Variants in ZSCAN10 observed in about 807,000 individuals in gnomAD.
ZSCAN10 encodes zinc finger and SCAN domain-containing protein 10.
A neutral mutation model predicts 63.7 loss-of-function variants in ZSCAN10; 52 were observed. The ratio of observed to expected loss-of-function variants is 0.82; its 90% CI spans 0.65 to 1.03. The LOEUF (loss-of-function observed/expected upper bound fraction) is 1.03. Among genes scored for constraint, ZSCAN10 ranks in the 50% least tolerant of loss-of-function variants. The probability of loss-of-function intolerance (pLI) is 0.00; values close to 1 mark genes in which losing one functional copy is unlikely to be tolerated. For missense variants in ZSCAN10, 1,223 were observed against 1,103.8 expected, an observed-to-expected ratio of 1.11 and a Z score of -1.53; for synonymous variants, 544 against 479.6, an observed-to-expected ratio of 1.13 and a Z score of -1.76.
chr16:3,093,054 C>G, intron 1 of ZSCAN10, 50 bp from the exon 2 acceptor site: 1 of 1,292,252 alleles, frequency 7.7e-7, no homozygotes. Flanking sequence ...GAAGCTGGCC[C>G]CATACCTGGG....
intron 1 of ZSCAN10, among the ~76,000 whole-genome samples, chr16:3,098,733 G>A (rs1230498347): frequency 6.6e-6 from 1 of 152,216 alleles, no homozygotes; most frequent in Non-Finnish European, 1.5e-5. Flanking sequence ...AGCTTAATTT[G>A]GAGCCCGGGG....
chr16:3,090,671 C>T (rs1228251976), intron 5 of ZSCAN10, 25 bp from the exon 6 acceptor site: 2 of 1,508,916 alleles, frequency 1.3e-6, no homozygotes, highest in Non-Finnish European at 1.8e-6. Context: ...AAAACAGGGA[C>T]GGTCAGGCCT....
In ZSCAN10 at chr16:3,089,445, G is replaced by T. The variant is rs1261175104; in HGVS notation, c.1989C>A (p.Ala663=). ...QRIHTGEKPH[A]CDTCGHRFRN... ...GGAAACGGTGGCCGCAGGTGTCGCA[G>T]GCGTGGGGCTTCTCCCCTGTGTGGA... is the stretch of plus-strand genomic sequence containing the variant. The change falls in exon 6 of 6, where the codon GCC becomes GCA. Residue 663 remains alanine (A), a synonymous_variant. Transcript: ENST00000576985. The T allele has an allele frequency of 1.1e-5, 17 of 1,606,084 alleles. No homozygotes were observed. The highest frequency in any genetic ancestry group is 1.4e-5 in the Non-Finnish European group (17 of 1,178,670).
chr16:3,090,590 C>T lies in ZSCAN10; in HGVS notation c.844G>A (p.Ala282Thr), dbSNP rs770968520. 1 of 1,562,752 alleles carries T rather than the reference C, an allele frequency of 6.4e-7. No homozygotes were observed. Among genetic ancestry groups the T allele is most frequent in the Admixed American group, 2.0e-5 (1 of 50,012 alleles). Residue 282 changes from alanine (A) to threonine (T), a missense_variant, in exon 6 of 6, where the codon GCT (alanine) becomes ACT (threonine). Coordinates refer to ENST00000576985, the MANE Select transcript of ZSCAN10 (RefSeq NM_032805.3). ...EEFKQEEPKGAAWPTPILAES... is the reference protein window; with the variant it reads ...EEFKQEEPKGTAWPTPILAES... ...GCTAAGATGGGAGTGGGCCAGGCAGCCCCTTTGGGCTCTTCTTGTTTAAAT... is the reference window on the plus strand; with the variant it reads ...GCTAAGATGGGAGTGGGCCAGGCAGTCCCTTTGGGCTCTTCTTGTTTAAAT...
rs867589050 is a variant in ZSCAN10, at chr16:3,089,746, G to C, written c.1688C>G (p.Ser563Trp). 1 of 1,601,278 alleles carries C rather than the reference G, an allele frequency of 6.2e-7. No individual in the cohort carries two copies. The highest frequency in any genetic ancestry group is 2.2e-5 in the East Asian group (1 of 44,784). ...QACGRSFTQS[S>W]QLVSHQRVHT... is the part of the protein sequence containing the mutation. ...CACCCGTTGGTGGCTGACCAGCTGC[G>C]AGCTCTGCGTGAAGCTGCGGCCGCA... is the stretch of plus-strand genomic sequence containing the variant. The change falls in exon 6 of 6, where the codon TCG (serine) becomes TGG (tryptophan). Residue 563 changes from serine (S) to tryptophan (W), a missense_variant. By Grantham distance (177) the Ser-to-Trp change is radical. Transcript: ENST00000576985.
At position 3,090,328 on chromosome 16, in the gene ZSCAN10, G is replaced by A; in HGVS notation, c.1106C>T (p.Ser369Leu). 1.2e-6 allele frequency: 2 copies of A among 1,609,930 alleles called. No individual in the cohort carries two copies. Among genetic ancestry groups the A allele is most frequent in the Non-Finnish European group, 1.7e-6 (2 of 1,178,460 alleles). Reference sequence around the variant, plus strand: ...CAGGAAGGAGCGCCCAGCCGGGTGCGAGCGCAGCTGGTGCGCCTTCAGGCG... The same window carrying A: ...CAGGAAGGAGCGCCCAGCCGGGTGCAAGCGCAGCTGGTGCGCCTTCAGGCG... ...LSRLKAHQLR[S>L]HPAGRSFLCL... is the part of the protein sequence containing the mutation. Residue 369 changes from serine to leucine, a missense_variant, in exon 6 of 6, where the codon TCG becomes TTG. By Grantham distance (145) the Ser-to-Leu change is moderately radical. Transcript: ENST00000576985.
intron 1 of ZSCAN10, among the ~76,000 whole-genome samples, chr16:3,098,656 C>T (rs1199979709): frequency 6.6e-6 from 1 of 152,014 alleles, no homozygotes; most frequent in Non-Finnish European, 1.5e-5. Flanking sequence ...TAATATGCAC[C>T]TCTGTTGGGG....
Position 3,089,447 on chromosome 16 carries a change from C to T in ZSCAN10, c.1987G>A (p.Ala663Thr), listed in dbSNP as rs149846830. ...QRIHTGEKPHACDTCGHRFRN... is the reference protein window; with the variant it reads ...QRIHTGEKPHTCDTCGHRFRN... ...AAACGGTGGCCGCAGGTGTCGCAGG[C>T]GTGGGGCTTCTCCCCTGTGTGGATG... Residue 663 changes from alanine (A) to threonine (T), a missense_variant, in exon 6 of 6, where the codon GCC (alanine) becomes ACC (threonine). Ala to Thr is a moderately conservative substitution (Grantham distance 58). Transcript: ENST00000576985. 6 of 1,605,394 alleles carry T rather than the reference C, an allele frequency of 3.7e-6. No homozygotes were observed. Among genetic ancestry groups the T allele is most frequent in the East Asian group, 4.5e-5 (2 of 44,638 alleles).
intron 1 of ZSCAN10, chr16:3,096,310 C>A (rs893965341): frequency 6.6e-6 from 1 of 152,260 alleles, no homozygotes; most frequent in African/African-American, 2.4e-5. Flanking sequence ...CAGGCTCCTG[C>A]CCTCTGCTTT....
chr16:3,089,537 G>T lies in ZSCAN10; in HGVS notation c.1897C>A (p.Pro633Thr). The T allele has an allele frequency of 1.9e-6, 3 of 1,602,482 alleles. No homozygotes were observed. The highest frequency in any genetic ancestry group is 2.2e-5 in the East Asian group (1 of 44,568). The change falls in exon 6 of 6, where the codon CCC becomes ACC. Residue 633 changes from proline (P) to threonine (T), a missense_variant. By Grantham distance (38) the Pro-to-Thr change is conservative. Transcript: ENST00000576985. ...RHQRSHTGEK[P>T]CRCSECGEGF... ...TCACCGCACTCGCTGCAGCGGCAGG[G>T]CTTCTCGCCCGTGTGGCTGCGCTGG...
chr16:3,091,002 G>A (rs1363654239), intron 5 of ZSCAN10, among the ~76,000 whole-genome samples: 1 of 150,856 alleles, frequency 6.6e-6, no homozygotes, highest in South Asian at 2.1e-4. Context: ...CCCGGGAGGC[G>A]GAGGTTGCAG....
rs758225857 is a variant in ZSCAN10 at position 3,089,267 on chromosome 16, G to C, written c.2167C>G (p.Pro723Ala). The change falls in exon 6 of 6, where the codon CCG becomes GCG. Residue 723 changes from proline to alanine, a missense_variant. Pro to Ala is a conservative substitution (Grantham distance 27). Coordinates refer to ENST00000576985, the MANE Select transcript of ZSCAN10 (RefSeq NM_032805.3). ...AEPGQEQAEP[P>A]QECVECGKSF... is the part of the protein sequence containing the mutation. ...TTCCCGCACTCCACGCACTCCTGCG[G>C]GGGCTCGGCCTGCTCCTGCCCGGGC... 6.4e-7 allele frequency: 1 copy of C among 1,571,484 alleles called. No individual in the cohort carries two copies. The highest frequency in any genetic ancestry group is 1.8e-5 in the Admixed American group (1 of 55,808).
intron 2 of ZSCAN10, 92 bp from the exon 3 acceptor site, chr16:3,092,408 C>T (rs1216572899): frequency 1.8e-5 from 28 of 1,517,436 alleles, no homozygotes; most frequent in Non-Finnish European, 2.3e-5. Flanking sequence ...AGGTTAGAGT[C>T]AGCCAGGGGA....
At position 3,089,288 on chromosome 16, in the gene ZSCAN10, C is replaced by G. The variant is rs571695694; in HGVS notation, c.2146G>C (p.Gly716Arg). Residue 716 changes from glycine to arginine, a missense_variant, in exon 6 of 6, where the codon GGG becomes CGG. By Grantham distance (125) the Gly-to-Arg change is moderately radical (BLOSUM62 -2). Transcript: ENST00000576985. The stretch of plus-strand genomic sequence containing the variant: ...TGCGGGGGCTCGGCCTGCTCCTGCC[C>G]GGGCTCCGCATGGGTAGCCAGGTGC... ...RRHLATHAEP[G>R]QEQAEPPQEC... The G allele has an allele frequency of 1.6e-5, 25 of 1,563,486 alleles. No individual in the cohort carries two copies. The Admixed American group carries it at 1.8e-4, about 11-fold the overall frequency.
rs538023779 is a variant in ZSCAN10, at chr16:3,089,426, G to A, written c.2008C>T (p.Arg670Cys). The A allele has an allele frequency of 4.4e-6, 7 of 1,601,806 alleles. No individual in the cohort carries two copies. In the East Asian group the frequency reaches 1.1e-4, roughly 26 times the overall value. The change falls in exon 6 of 6, where the codon CGT becomes TGT. Residue 670 changes from arginine (R) to cysteine (C), a missense_variant. By Grantham distance (180) the Arg-to-Cys change is radical. Transcript: ENST00000576985. ...GCCAGGTTGGAGCTATTGCGGAAAC[G>A]GTGGCCGCAGGTGTCGCAGGCGTGG... ...KPHACDTCGH[R>C]FRNSSNLARH...
In ZSCAN10 at chr16:3,089,580, G is replaced by C; in HGVS notation, c.1854C>G (p.Thr618=). 1 of 1,588,866 alleles carries C rather than the reference G, an allele frequency of 6.3e-7. No individual in the cohort carries two copies. ...TGCGCTGGTGGCGGGCCAGATCCTG[G>C]GTCTGGCCGAAACTCTTCCCGCACT... ...CTQCGKSFGQ[T]QDLARHQRSH... is the part of the protein sequence containing the mutation. Residue 618 remains threonine (T), a synonymous_variant, in exon 6 of 6, where the codon ACC becomes ACG. Transcript: ENST00000576985.
rs1187159244 is a variant in ZSCAN10 at position 3,091,829 on chromosome 16, C to T, written c.665-1G>A. 2 of 1,572,558 alleles carry T rather than the reference C, an allele frequency of 1.3e-6. No individual in the cohort carries two copies. Among genetic ancestry groups the T allele is most frequent in the Non-Finnish European group, 8.6e-7 (1 of 1,158,888 alleles). On this transcript the variant is annotated splice_acceptor_variant, in intron 3 of 5. Coordinates refer to ENST00000576985, the MANE Select transcript of ZSCAN10 (RefSeq NM_032805.3). LOFTEE classifies it high-confidence loss of function. ...GGCCATGGTGAGGGGCCCTGGGGAC[C>T]TGACGGCATTGGGGAAGAGGGGAGG...
rs746380305 is a variant in ZSCAN10 at position 3,092,109 on chromosome 16, T to G, written c.604A>C (p.Ser202Arg). Residue 202 changes from serine (S) to arginine (R), a missense_variant, in exon 3 of 6, where the codon AGT becomes CGT. Coordinates refer to ENST00000576985, the MANE Select transcript of ZSCAN10 (RefSeq NM_032805.3). ...CCCGGGCTCAGCGGCTGCTTTGAAC[T>G]TGGGGGAAGCCTCCACTGTCCCGGC... ...AEPGQWRLPP[S>R]SKQPLSPGPQ... 3 of 1,606,402 alleles carry G rather than the reference T, an allele frequency of 1.9e-6. No homozygotes were observed. The highest frequency in any genetic ancestry group is 2.2e-5 in the South Asian group (2 of 90,450).
chr16:3,090,206 C>G lies in ZSCAN10; in HGVS notation c.1228G>C (p.Gly410Arg), dbSNP rs576668601. ...DERPHACHLCGHRFRQSSHLS... is the reference protein window; with the variant it reads ...DERPHACHLCRHRFRQSSHLS... ...TGCGAGCTCTGGCGGAAGCGGTGGC[C>G]GCACAGGTGGCAGGCGTGCGGCCGC... Residue 410 changes from glycine to arginine, a missense_variant, in exon 6 of 6, where the codon GGC (glycine) becomes CGC (arginine). Transcript: ENST00000576985. 1 of 1,606,320 alleles carries G rather than the reference C, an allele frequency of 6.2e-7. No homozygotes were observed.
Sources: gnomAD v4.1 joint callset for allele counts (sites outside exome capture counted in the v4.1 genomes callset) on GRCh38, gnomAD v4.1.1 for gene constraint, MANE v1.5 for transcripts, NCBI Gene and HGNC (gene_info 2026-07-23, HGNC 2026-07-21) for gene names.